Variants in NEXN observed in about 807,000 individuals in gnomAD.
NEXN encodes the protein nexilin F-actin binding protein.
In NEXN, 65 loss-of-function variants were observed where a neutral mutation model predicts 92.6. The observed-to-expected ratio is 0.70, with a 90% CI of 0.57 to 0.86. The LOEUF (loss-of-function observed/expected upper bound fraction) is 0.86, where lower values mean the gene tolerates loss of function less well. Ranked by LOEUF, NEXN falls within the 40% of genes least tolerant of loss-of-function variation. The pLI, the probability that NEXN is intolerant of heterozygous loss-of-function variation, is 0.00. For missense variants in NEXN, 778 were observed against 771.1 expected (o/e 1.01, Z -0.11); for synonymous variants, 254 against 242.5 (o/e 1.05, Z -0.44).
intron 1 of NEXN, among the ~76,000 whole-genome samples, chr1:77,911,675 G>GCTATA (rs1434033272): frequency 2.0e-5 from 3 of 151,916 alleles, no homozygotes; most frequent in African/African-American, 7.3e-5. Flanking sequence ...TATGTATAAG[G>GCTATA]TGTATATGGA....
intron 1 of NEXN, among the ~76,000 whole-genome samples, chr1:77,911,227 T>A (rs1648553120): frequency 6.6e-6 from 1 of 152,102 alleles, no homozygotes; most frequent in Non-Finnish European, 1.5e-5. Context: ...ACCTTTGGAG[T>A]ACTGACATGA....
chr1:77,906,723 T>C (rs893944205), intron 1 of NEXN, among the ~76,000 whole-genome samples: 1 of 152,054 alleles, frequency 6.6e-6, no homozygotes, highest in Non-Finnish European at 1.5e-5. Context: ...GGTTCAATCA[T>C]AGCTCACTGC....
At chr1:77,927,050 C>G (rs1009347230) in intron 8 of NEXN, among the ~76,000 whole-genome samples, 158 bp downstream of exon 8, 1 of 152,064 alleles carries the variant, frequency 6.6e-6, no homozygotes, top group African/African-American at 2.4e-5. Flanking sequence ...AGGCTAGGCA[C>G]GGTGGCTCAT....
At chr1:77,917,160 C>G (rs1649043453) in intron 2 of NEXN, among the ~76,000 whole-genome samples, 1 of 152,084 alleles carries the variant, frequency 6.6e-6, no homozygotes, top group South Asian at 2.1e-4. Context: ...TCAACTTCAC[C>G]AAATTTACTG....
chr1:77,943,143 A>G lies in NEXN; in HGVS notation c.*314A>G. On this transcript the variant is annotated 3_prime_UTR_variant, in exon 13 of 13. Coordinates refer to ENST00000334785, the MANE Select transcript of NEXN (RefSeq NM_144573.4). ...CAGTAACAGTCAATAAAATGTACTT[A>G]TGGGGGGGAATTACTCAATTATTCT... 1 of 354,914 alleles carries G rather than the reference A, an allele frequency of 2.8e-6. No individual in the cohort carries two copies. The highest frequency in any genetic ancestry group is 2.4e-5 in the South Asian group (1 of 42,144). The allele number at this position is 354,914 out of a possible 1,614,324, so 22.0% of individuals were successfully genotyped here.
chr1:77,934,413 G>A (rs75054962), intron 10 of NEXN, among the ~76,000 whole-genome samples: 4,410 of 152,254 alleles, frequency 0.029, 83 homozygotes, highest in Middle Eastern at 0.075. Flanking sequence ...CCACAGTTCT[G>A]GGATTACAGG....
At position 77,942,962 on chromosome 1, in the gene NEXN, C is replaced by G; in HGVS notation, c.*133C>G. Reference sequence around the variant, plus strand: ...TTTCTCTTTCACTCCAACTTTCTTACTACATCCATCTTTTCTGTGGCGGGG... The same window carrying G: ...TTTCTCTTTCACTCCAACTTTCTTAGTACATCCATCTTTTCTGTGGCGGGG... On this transcript the variant is annotated 3_prime_UTR_variant, in exon 13 of 13. Transcript: ENST00000334785. 4.0e-6 allele frequency: 5 copies of G among 1,250,370 alleles called. No individual in the cohort carries two copies. Among genetic ancestry groups the G allele is most frequent in the Non-Finnish European group, 4.5e-6 (4 of 881,000 alleles). 77.5% of individuals were successfully genotyped at this position (1,250,370 alleles called of 1,614,324 possible). A position where few individuals can be genotyped will look rare whatever the true frequency, so the allele number is the denominator to read the frequency against.
At chr1:77,923,003 CTTTT>C (rs753111389) in intron 5 of NEXN, among the ~76,000 whole-genome samples, 6 of 112,348 alleles carry the variant, frequency 5.3e-5, no homozygotes, top group African/African-American at 2.0e-4. Flanking sequence ...AATTGGGTGT[CTTTT>C]TTTTTTTTTT....
At chr1:77,941,229 TAGAAACCAAAAGTCA>T (rs151020889) in intron 11 of NEXN, among the ~76,000 whole-genome samples, 29,234 of 151,972 alleles carry the variant, frequency 0.19, 3,032 homozygotes, top group South Asian at 0.26. Flanking sequence ...CCTAGGTAGT[TAGAAACCAAAAGTCA>T]AGAAACCAAA....
chr1:77,896,326 A>C (rs559689544), intron 1 of NEXN, among the ~76,000 whole-genome samples: 1 of 152,132 alleles, frequency 6.6e-6, no homozygotes, highest in Non-Finnish European at 1.5e-5. Context: ...CCTTGGGTTC[A>C]TCCTTTTTTA....
chr1:77,935,945 G>T lies in NEXN; in HGVS notation c.1374G>T (p.Leu458Phe), dbSNP rs1007403545. Reference sequence around the variant, plus strand: ...GCAAGTTTGAAAAAATTGGACAGTTGTCTGAAAAAGAAATACAGAAAAAAA... The same window carrying T: ...GCAAGTTTGAAAAAATTGGACAGTTTTCTGAAAAAGAAATACAGAAAAAAA... Reference protein sequence around the residue: ...LKSKFEKIGQLSEKEIQKKIE... With the variant: ...LKSKFEKIGQFSEKEIQKKIE... The change falls in exon 11 of 13, where the codon TTG becomes TTT. Residue 458 changes from leucine (L) to phenylalanine (F), a missense_variant. This residue lies in a region of NEXN where 532 missense variants were observed against 476.7 expected (regional missense o/e 1.12). Coordinates refer to ENST00000334785, the MANE Select transcript of NEXN (RefSeq NM_144573.4). 2.5e-6 allele frequency: 4 copies of T among 1,613,824 alleles called. No individual in the cohort carries two copies. In the African/African-American group the frequency reaches 4.0e-5, roughly 16 times the overall value.
At chr1:77,941,153 C>A (rs571669595) in intron 11 of NEXN, among the ~76,000 whole-genome samples, 2 of 152,216 alleles carry the variant, frequency 1.3e-5, no homozygotes, top group South Asian at 4.2e-4. Flanking sequence ...ATGTGGCAAT[C>A]TGGAGCAATT....
At chr1:77,929,535 T>C in intron 9 of NEXN, 31 bp downstream of exon 9, 6 of 1,610,754 alleles carry the variant, frequency 3.7e-6, no homozygotes, top group Non-Finnish European at 5.1e-6. Context: ...AGAATGCTAT[T>C]AGAATTCACC....
chr1:77,901,244 G>A (rs1025492158), intron 1 of NEXN, among the ~76,000 whole-genome samples: 3 of 152,076 alleles, frequency 2.0e-5, no homozygotes, highest in South Asian at 4.1e-4. Context: ...CAACATCACC[G>A]TAGTTTGAAT....
Position 77,918,140 on chromosome 1 carries a change from G to T in NEXN, c.314G>T (p.Arg105Ile). 1 of 1,613,972 alleles carries T rather than the reference G, an allele frequency of 6.2e-7. No homozygotes were observed. The highest frequency in any genetic ancestry group is 8.5e-7 in the Non-Finnish European group (1 of 1,179,958). ...ATATTTTTAGGAACTGTGAAGGGTAGATTTGCTGAAATGGAGAAACAAAGA... is the reference window on the plus strand; with the variant it reads ...ATATTTTTAGGAACTGTGAAGGGTATATTTGCTGAAATGGAGAAACAAAGA... ...VPKLTGTVKG[R>I]FAEMEKQRQE... The change falls in exon 5 of 13, where the codon AGA becomes ATA. Residue 105 changes from arginine (R) to isoleucine (I), a missense_variant. Transcript: ENST00000334785.
chr1:77,891,053 G>A (rs755374985), intron 1 of NEXN, among the ~76,000 whole-genome samples: 3 of 151,970 alleles, frequency 2.0e-5, no homozygotes, highest in Non-Finnish European at 4.4e-5. Flanking sequence ...GTTTATAATT[G>A]CATAGTTACA....
chr1:77,929,660 C>T (rs1360689265), intron 9 of NEXN, among the ~76,000 whole-genome samples, 156 bp downstream of exon 9: 1 of 152,154 alleles, frequency 6.6e-6, no homozygotes, highest in Admixed American at 6.5e-5. Flanking sequence ...GGAATAACAC[C>T]AGTTGGTTGA....
intron 1 of NEXN, among the ~76,000 whole-genome samples, chr1:77,900,761 C>T (rs902057108): frequency 3.9e-5 from 6 of 152,120 alleles, no homozygotes. Context: ...CCACCTGTTC[C>T]ATCTTATCTT....
rs749176555 is a variant in NEXN at position 77,933,455 on chromosome 1, A to T, written c.1227A>T (p.Glu409Asp). 1.2e-6 allele frequency: 2 copies of T among 1,611,602 alleles called. No individual in the cohort carries two copies. Among genetic ancestry groups the T allele is most frequent in the South Asian group, 2.2e-5 (2 of 90,888 alleles). ...TAGAAATGGAGAAACAAGAATTTGA[A>T]CAACTGAGACAGGAAATGGGAGAGG... ...HKLEMEKQEF[E>D]QLRQEMGEEE... is the part of the protein sequence containing the mutation. Residue 409 changes from glutamate to aspartate, a missense_variant, in exon 10 of 13, where the codon GAA becomes GAT. By Grantham distance (45) the Glu-to-Asp change is conservative. Coordinates refer to ENST00000334785, the MANE Select transcript of NEXN (RefSeq NM_144573.4).
Sources: allele counts gnomAD v4.1 joint callset (sites outside exome capture counted in the v4.1 genomes callset), GRCh38; gene constraint gnomAD v4.1.1; regional missense constraint gnomAD v4.1.1; transcripts MANE v1.5; gene names NCBI Gene and HGNC (gene_info 2026-07-23, HGNC 2026-07-21).